The following SEMA3A variants were observed in gnomAD, a reference collection of about 807,000 sequenced individuals.
SEMA3A encodes semaphorin 3A.
In SEMA3A, 29 loss-of-function variants were observed where a neutral mutation model predicts 97.9. That is an observed-to-expected ratio of 0.30 (90% CI 0.22 to 0.40). SEMA3A has a LOEUF of 0.40. Among genes scored for constraint, SEMA3A ranks in the 10% least tolerant of loss-of-function variants. The pLI, the probability that SEMA3A is intolerant of heterozygous loss-of-function variation, is 1.00. For synonymous variants in SEMA3A, 321 were observed against 323.7 expected (o/e 0.99, Z 0.09); for missense variants, 763 against 951.3 (o/e 0.80, Z 2.60).
At chr7:84,124,934 TA>T (rs972131226) in intron 3 of SEMA3A, among the ~76,000 whole-genome samples, 2 of 151,966 alleles carry the variant, frequency 1.3e-5, no homozygotes, top group East Asian at 1.9e-4. Flanking sequence ...ATATCTTGCA[TA>T]AAAAATGTAT....
intron 3 of SEMA3A, among the ~76,000 whole-genome samples, chr7:84,302,055 T>G (rs941674280): frequency 3.9e-5 from 6 of 152,226 alleles, no homozygotes; most frequent in Non-Finnish European, 2.9e-5. Context: ...AATAACCAAA[T>G]GTAGTATATC....
At chr7:84,333,241 T>G (rs1301840322) in intron 2 of SEMA3A, among the ~76,000 whole-genome samples, 1 of 152,116 alleles carries the variant, frequency 6.6e-6, no homozygotes, top group African/African-American at 2.4e-5. Context: ...CTTTGAGATC[T>G]CCATTGATGC....
intron 3 of SEMA3A, among the ~76,000 whole-genome samples, chr7:84,272,544 A>G (rs1484557338): frequency 1.3e-5 from 2 of 152,118 alleles, no homozygotes; most frequent in Admixed American, 6.6e-5. Flanking sequence ...CTAGGCAACA[A>G]AATAAGATTA....
chr7:84,256,729 G>A (rs766533509), intron 3 of SEMA3A, among the ~76,000 whole-genome samples: 23 of 152,012 alleles, frequency 1.5e-4, no homozygotes, highest in Non-Finnish European at 2.9e-4. Flanking sequence ...ACTGTGAGAC[G>A]ACATATGGTT....
At chr7:84,302,166 G>A (rs1801034135) in intron 3 of SEMA3A, among the ~76,000 whole-genome samples, 1 of 152,116 alleles carries the variant, frequency 6.6e-6, no homozygotes, top group South Asian at 2.1e-4. Flanking sequence ...TTTGCTAAGT[G>A]AAAAAGTATA....
exon 2 of SEMA3A, chr7:84,371,866 G>A (rs1802985635): frequency 6.6e-6 from 1 of 152,000 alleles, no homozygotes; most frequent in South Asian, 2.1e-4. Flanking sequence ...CCTTTGTTAT[G>A]TTAGACTGTC....
At chr7:84,473,005 T>C (rs1320906941) in intron 1 of SEMA3A, among the ~76,000 whole-genome samples, 1 of 152,096 alleles carries the variant, frequency 6.6e-6, no homozygotes, top group Non-Finnish European at 1.5e-5. Context: ...GATTTTGGAA[T>C]TAGGTCTAGG....
chr7:84,060,413 CTGTT>C, intron 5 of SEMA3A, 48 bp downstream of exon 5: 1 of 1,130,534 alleles, frequency 8.8e-7, no homozygotes, highest in Non-Finnish European at 1.3e-6. Flanking sequence ...AACATACAAC[CTGTT>C]TGTTATTTAT....
chr7:83,998,450 G>C (rs1334406261), intron 12 of SEMA3A, among the ~76,000 whole-genome samples: 3 of 152,162 alleles, frequency 2.0e-5, no homozygotes, highest in African/African-American at 7.2e-5. Context: ...CATGAATGGA[G>C]CTTGCAGGAC....
chr7:84,136,961 GAAGGAA>G lies in SEMA3A; in HGVS notation c.113-2016_113-2011del, dbSNP rs1464194214. The stretch of plus-strand genomic sequence containing the variant: ...GGGAGGGAGGGAAGGAGGGAGGGAA[GAAGGAA>G]GGAAGGAAGGAAGGAAGGAAGGAAG... On this transcript the variant is annotated intron_variant, in intron 1 of 16. Coordinates refer to ENST00000265362, the MANE Select transcript of SEMA3A (RefSeq NM_006080.3). Among the ~76,000 whole-genome samples the G allele has an allele frequency of 3.5e-4, 13 of 37,110 alleles. 1 individual carries two copies. In the South Asian group the frequency reaches 9.5e-3, roughly 27 times the overall value. 24.3% of individuals were successfully genotyped at this position (37,110 alleles called of 152,430 possible).
intron 1 of SEMA3A, among the ~76,000 whole-genome samples, chr7:84,180,388 A>T (rs879870443): frequency 9.2e-5 from 14 of 152,016 alleles, no homozygotes; most frequent in Non-Finnish European, 1.6e-4. Flanking sequence ...TGTATTTTTT[A>T]AAAAATTAAC....
intron 2 of SEMA3A, among the ~76,000 whole-genome samples, chr7:84,312,472 A>G (rs1801349227): frequency 6.6e-6 from 1 of 151,644 alleles, no homozygotes; most frequent in South Asian, 2.1e-4. Context: ...AATTCTATAA[A>G]CTATCATACA....
At chr7:84,050,792 T>C (rs1214072559) in intron 5 of SEMA3A, among the ~76,000 whole-genome samples, 1 of 152,202 alleles carries the variant, frequency 6.6e-6, no homozygotes, top group Admixed American at 6.5e-5. Context: ...CCCATGCTTA[T>C]GTCCTGAATG....
intron 4 of SEMA3A, among the ~76,000 whole-genome samples, chr7:84,071,647 A>G (rs1160624973): frequency 6.6e-6 from 1 of 152,086 alleles, no homozygotes; most frequent in Non-Finnish European, 1.5e-5. Context: ...CCAGCAGAGA[A>G]AAATGTTTTC....
chr7:84,268,131 G>A (rs1800050637), intron 3 of SEMA3A, among the ~76,000 whole-genome samples: 1 of 152,066 alleles, frequency 6.6e-6, no homozygotes, highest in Non-Finnish European at 1.5e-5. Context: ...TCTGGTGGGG[G>A]CTGCATGTCA....
At chr7:84,085,723 T>C (rs1322146614) in intron 4 of SEMA3A, among the ~76,000 whole-genome samples, 2 of 152,186 alleles carry the variant, frequency 1.3e-5, no homozygotes, top group Non-Finnish European at 2.9e-5. Flanking sequence ...ATATCTTTCT[T>C]AACCTTTTAA....
At chr7:83,991,518 T>G (rs559411468) in intron 12 of SEMA3A, among the ~76,000 whole-genome samples, 1 of 151,544 alleles carries the variant, frequency 6.6e-6, no homozygotes. Context: ...TATTGAGAGT[T>G]TTTAGCATGA....
At chr7:84,273,063 T>G (rs1489329651) in intron 3 of SEMA3A, among the ~76,000 whole-genome samples, 1 of 152,118 alleles carries the variant, frequency 6.6e-6, no homozygotes, top group Non-Finnish European at 1.5e-5. Flanking sequence ...TCAATATTAT[T>G]TGTCAGGTTC....
At chr7:84,292,841 T>G (rs1800782858) in intron 3 of SEMA3A, among the ~76,000 whole-genome samples, 1 of 152,124 alleles carries the variant, frequency 6.6e-6, no homozygotes, top group South Asian at 2.1e-4. Flanking sequence ...AATCAATATT[T>G]TAACATATAT....
Sources: allele counts gnomAD v4.1 joint callset (sites outside exome capture counted in the v4.1 genomes callset), GRCh38; gene constraint gnomAD v4.1.1; transcripts MANE v1.5; gene names NCBI Gene and HGNC (gene_info 2026-07-23, HGNC 2026-07-21).